The following MRE11 variants were observed in gnomAD, a reference collection of about 807,000 sequenced individuals.
MRE11 encodes the protein MRE11 double strand break repair nuclease.
Under a neutral mutation model 91.7 loss-of-function variants are expected in MRE11, and 62 were observed. The observed-to-expected ratio is 0.68, with a 90% confidence interval of 0.55 to 0.84. MRE11 has a LOEUF of 0.84. Among genes scored for constraint, MRE11 ranks in the 40% least tolerant of loss-of-function variants. MRE11 has a pLI of 0.00. For synonymous variants in MRE11, 273 were observed against 271.4 expected (o/e 1.01, Z -0.06); for missense variants, 796 against 852.9 (o/e 0.93, Z 0.83).
At position 94,417,918 on chromosome 11, in the gene MRE11, T is replaced by C. The variant is rs1180033654; in HGVS notation, c.*2207A>G. ...TTGTAAATGCACTGTTGTATTTTTA[T>C]GATAGGAAATAAAACACCAGAAAGA... is the stretch of plus-strand genomic sequence containing the variant. On this transcript the variant is annotated 3_prime_UTR_variant, in exon 20 of 20. Coordinates refer to ENST00000323929, the MANE Select transcript of MRE11 (RefSeq NM_005591.4). 2 of 232,980 alleles carry C rather than the reference T, an allele frequency of 8.6e-6. No homozygotes were observed. Among genetic ancestry groups the C allele is most frequent in the African/African-American group, 4.4e-5 (2 of 45,342 alleles). 14.4% of individuals were successfully genotyped at this position (232,980 alleles called of 1,614,324 possible). A position where few individuals can be genotyped will look rare whatever the true frequency, so the allele number is the denominator to read the frequency against.
At chr11:94,437,119 A>G (rs1233990533) in intron 17 of MRE11, 58 bp downstream of exon 17, 1 of 1,434,126 alleles carries the variant, frequency 7.0e-7, no homozygotes, top group East Asian at 2.3e-5. Flanking sequence ...AGAGTTGACA[A>G]TTCATAATGC....
Position 94,457,840 on chromosome 11 carries a change from G to T in MRE11, c.1501-1502C>A, listed in dbSNP as rs566712467. ...ACGGGTGTCTGGTCAGAGCCACCAT[G>T]ACTCACACACACTCTTTCTCTTTCT... On this transcript the variant is annotated intron_variant, in intron 13 of 19. Coordinates refer to ENST00000323929, the MANE Select transcript of MRE11 (RefSeq NM_005591.4). Among the ~76,000 whole-genome samples, 11 of 148,788 alleles carry T rather than the reference G, an allele frequency of 7.4e-5. No individual in the cohort carries two copies. The South Asian group carries it at 8.6e-4, about 12-fold the overall frequency.
intron 18 of MRE11, among the ~76,000 whole-genome samples, chr11:94,433,710 C>A (rs1360928856): frequency 1.3e-5 from 2 of 152,162 alleles, no homozygotes; most frequent in Non-Finnish European, 2.9e-5. Context: ...TCACCTTCTG[C>A]CATGATTATG....
At chr11:94,489,358 G>A (rs1947227321) in intron 3 of MRE11, among the ~76,000 whole-genome samples, 1 of 152,034 alleles carries the variant, frequency 6.6e-6, no homozygotes, top group Admixed American at 6.6e-5. Context: ...AGTAGTAGGA[G>A]ATGAAGTTTC....
At chr11:94,433,867 T>C (rs570049859) in intron 18 of MRE11, among the ~76,000 whole-genome samples, 1 of 152,334 alleles carries the variant, frequency 6.6e-6, no homozygotes, top group African/African-American at 2.4e-5. Context: ...CAAGGCCACA[T>C]TTCCCTTATT....
intron 6 of MRE11, among the ~76,000 whole-genome samples, chr11:94,477,232 C>G (rs1366629259): frequency 6.6e-6 from 1 of 151,904 alleles, no homozygotes; most frequent in Non-Finnish European, 1.5e-5. Flanking sequence ...ATAACATGTG[C>G]AGAAATAAAT....
Position 94,437,164 on chromosome 11 carries a change from C to CT in MRE11, c.1926+12dup. 2.5e-6 allele frequency: 4 copies of CT among 1,607,312 alleles called. No homozygotes were observed. Among genetic ancestry groups the CT allele is most frequent in the Non-Finnish European group, 3.4e-6 (4 of 1,175,114 alleles). On this transcript the variant is annotated intron_variant, in intron 17 of 19. Coordinates refer to ENST00000323929, the MANE Select transcript of MRE11 (RefSeq NM_005591.4). ...AAATTATTAATACACAACCATAAAA[C>CT]TTTTTTTCTTACCTCTGAATAATTC...
chr11:94,446,801 A>G (rs775402243), intron 15 of MRE11, among the ~76,000 whole-genome samples: 7 of 152,220 alleles, frequency 4.6e-5, no homozygotes, highest in Non-Finnish European at 8.8e-5. Context: ...GTGTATTTGT[A>G]TCTTATGACA....
intron 8 of MRE11, among the ~76,000 whole-genome samples, chr11:94,471,052 T>C (rs1946695346): frequency 6.6e-6 from 1 of 152,072 alleles, no homozygotes; most frequent in South Asian, 2.1e-4. Context: ...ACATAGATTC[T>C]ACTACCATAT....
chr11:94,503,826 C>CAAAAAAA, the MRE11 span, among the ~76,000 whole-genome samples: 13 of 87,190 alleles, frequency 1.5e-4, no homozygotes, highest in Admixed American at 2.8e-4. Flanking sequence ...GACTCCGTCT[C>CAAAAAAA]AAAAAAAAAA....
chr11:94,425,746 A>G (rs1945297022), intron 19 of MRE11, among the ~76,000 whole-genome samples: 1 of 152,250 alleles, frequency 6.6e-6, no homozygotes, highest in Non-Finnish European at 1.5e-5. Context: ...AAAAAGGGAC[A>G]AAGAAAGGTA....
rs528547779 is a variant in MRE11 at position 94,488,725 on chromosome 11, G to A, written c.153+2108C>T. Among the ~76,000 whole-genome samples, 10 of 152,212 alleles carry A rather than the reference G, an allele frequency of 6.6e-5. No individual in the cohort carries two copies. In the East Asian group the frequency reaches 1.9e-3, roughly 29 times the overall value. ...GAACAGAAAAATCAAATACTTGTAA[G>A]TGGGAGCTAAATGATGAGAAGACAT... is the stretch of plus-strand genomic sequence containing the variant. On this transcript the variant is annotated intron_variant, in intron 3 of 19. Coordinates refer to ENST00000323929, the MANE Select transcript of MRE11 (RefSeq NM_005591.4).
At chr11:94,449,297 C>T (rs1197048982) in intron 14 of MRE11, among the ~76,000 whole-genome samples, 3 of 152,152 alleles carry the variant, frequency 2.0e-5, no homozygotes, top group Admixed American at 2.0e-4. Context: ...AAAAAGAAAA[C>T]ACTTCAGGAA....
chr11:94,456,453 T>C (rs1430486099), intron 13 of MRE11, 115 bp from the exon 14 acceptor site: 4 of 771,176 alleles, frequency 5.2e-6, no homozygotes, highest in Admixed American at 4.5e-5. Context: ...AATTTAACAA[T>C]GTCTCACAAA....
rs752585966 is a variant in MRE11, at chr11:94,485,978, C to T, written c.260G>A (p.Arg87Gln). ...ELLRKYCMGD[R>Q]PVQFEILSDQ... ...ACTGAGAATTTCAAACTGGACAGGC[C>T]GATCACCCATACAATATTTTCTTAA... Residue 87 changes from arginine to glutamine, a missense_variant, in exon 4 of 20, where the codon CGG becomes CAG. Arg to Gln is a conservative substitution (Grantham distance 43). Transcript: ENST00000323929. 5.0e-6 allele frequency: 8 copies of T among 1,613,436 alleles called. No homozygotes were observed. The Admixed American group carries it at 5.0e-5, about 10-fold the overall frequency.
chr11:94,490,817 T>A lies in MRE11; in HGVS notation c.153+16A>T. On this transcript the variant is annotated intron_variant, in intron 3 of 19. Coordinates refer to ENST00000323929, the MANE Select transcript of MRE11 (RefSeq NM_005591.4). The stretch of plus-strand genomic sequence containing the variant: ...GGGAATATGGTAGATAGTGCACAAA[T>A]ACAAACCACACTCACTTCATTTTCC... 6.2e-7 allele frequency: 1 copy of A among 1,613,388 alleles called. No individual in the cohort carries two copies. The highest frequency in any genetic ancestry group is 1.3e-5 in the African/African-American group (1 of 75,012).
the MRE11 span, among the ~76,000 whole-genome samples, chr11:94,511,185 A>C: frequency 0.052 from 7,783 of 150,864 alleles, 659 homozygotes; most frequent in African/African-American, 0.18. Context: ...CTCTCTCTCT[A>C]TATATATAGA....
rs372131911 is a variant in MRE11 at position 94,479,718 on chromosome 11, T to C, written c.358A>G (p.Ile120Val). ...TTGCCATGAATACTAAACACTGGAA[T>C]TGAAATGTTGAGGTTGCCATCTTGA... ...NYQDGNLNIS[I>V]PVFSIHGNHD... The change falls in exon 5 of 20, where the codon ATT becomes GTT. Residue 120 changes from isoleucine to valine, a missense_variant. By Grantham distance (29) the Ile-to-Val change is conservative. Coordinates refer to ENST00000323929, the MANE Select transcript of MRE11 (RefSeq NM_005591.4). The C allele has an allele frequency of 4.5e-5, 72 of 1,613,148 alleles. 1 individual carries two copies. Among genetic ancestry groups the C allele is most frequent in the Middle Eastern group, 1.7e-4 (1 of 6,042 alleles).
chr11:94,509,377 G>A, the MRE11 span, among the ~76,000 whole-genome samples: 1 of 151,268 alleles, frequency 6.6e-6, no homozygotes, highest in Non-Finnish European at 1.5e-5. Context: ...TTTCTCTATT[G>A]ACCATGTGTC....
Sources: allele counts gnomAD v4.1 joint callset (sites outside exome capture counted in the v4.1 genomes callset), GRCh38; gene constraint gnomAD v4.1.1; transcripts MANE v1.5; gene names NCBI Gene and HGNC (gene_info 2026-07-23, HGNC 2026-07-21).